Variants in WDR7 observed in about 807,000 individuals in gnomAD.
The protein encoded by WDR7 is WD repeat domain 7, also known as WD repeat-containing protein 7.
WDR7 carries 46 observed loss-of-function variants against 169.4 expected under a neutral mutation model. The ratio of observed to expected loss-of-function variants is 0.27; its 90% CI spans 0.21 to 0.35. WDR7 has a LOEUF of 0.35. Among genes scored for constraint, WDR7 ranks in the 10% least tolerant of loss-of-function variants. WDR7 has a pLI of 1.00. For missense variants in WDR7, 1,534 were observed against 1,859.3 expected (o/e 0.83, Z 3.22); for synonymous variants, 612 against 666.8 (o/e 0.92, Z 1.27).
chr18:56,995,846 C>T (rs947687911), intron 26 of WDR7, among the ~76,000 whole-genome samples: 1 of 152,132 alleles, frequency 6.6e-6, no homozygotes, highest in African/African-American at 2.4e-5. Flanking sequence ...TCCGTGGGTT[C>T]CTTTCCCAAG....
rs1188864502 is a variant in WDR7, at chr18:56,725,601, G to A, written c.1775-5782G>A. Among the ~76,000 whole-genome samples the A allele has an allele frequency of 3.3e-5, 5 of 152,302 alleles. No homozygotes were observed. In the East Asian group the frequency reaches 9.6e-4, roughly 29 times the overall value. ...GCAAAAATTTTCTCCCATTCTGTAG[G>A]TTGCCTGTTCACTCTTGATGGTAGT... On this transcript the variant is annotated intron_variant, in intron 13 of 27. Transcript: ENST00000254442.
At chr18:56,923,079 A>G (rs188543487) in intron 21 of WDR7, among the ~76,000 whole-genome samples, 6 of 152,188 alleles carry the variant, frequency 3.9e-5, no homozygotes, top group African/African-American at 1.2e-4. Context: ...CTGTTCTGTG[A>G]CTTAGGAACT....
At chr18:56,697,192 A>C (rs532310537) in intron 12 of WDR7, among the ~76,000 whole-genome samples, 48 of 152,310 alleles carry the variant, frequency 3.2e-4, no homozygotes, top group African/African-American at 1.1e-3. Context: ...CTTCTTGTAG[A>C]CAAGTCATGC....
At chr18:56,963,958 T>C (rs1787460) in intron 26 of WDR7, among the ~76,000 whole-genome samples, 33,415 of 148,888 alleles carry the variant, frequency 0.22, 6,985 homozygotes, top group African/African-American at 0.56. Context: ...AAGAACAAGG[T>C]GACCTTGTCA....
intron 26 of WDR7, among the ~76,000 whole-genome samples, chr18:57,019,707 A>G (rs1249964052): frequency 1.3e-5 from 2 of 152,122 alleles, no homozygotes; most frequent in African/African-American, 2.4e-5. Context: ...TGAAATGTAC[A>G]CTACCTGTGG....
intron 16 of WDR7, among the ~76,000 whole-genome samples, chr18:56,770,595 A>G (rs1329699894): frequency 6.6e-6 from 1 of 152,214 alleles, no homozygotes; most frequent in East Asian, 1.9e-4. Context: ...CTTCTGATAT[A>G]ATCCAGTGGT....
chr18:56,854,027 A>T (rs150240311), intron 20 of WDR7, among the ~76,000 whole-genome samples: 1 of 152,226 alleles, frequency 6.6e-6, no homozygotes, highest in African/African-American at 2.4e-5. Context: ...GTACACATAC[A>T]TATAATTTTC....
chr18:56,729,523 G>T (rs2026536718), intron 13 of WDR7, among the ~76,000 whole-genome samples: 2 of 152,078 alleles, frequency 1.3e-5, no homozygotes, highest in Non-Finnish European at 1.5e-5. Flanking sequence ...TTAACAGTAT[G>T]TTGTGGCTTT....
chr18:56,822,678 G>T (rs2045119698), intron 20 of WDR7, among the ~76,000 whole-genome samples: 1 of 152,142 alleles, frequency 6.6e-6, no homozygotes. Flanking sequence ...TTAGATGTAT[G>T]TGAATTTTAA....
intron 25 of WDR7, among the ~76,000 whole-genome samples, chr18:56,940,743 T>A (rs941650714): frequency 6.6e-6 from 1 of 152,192 alleles, no homozygotes; most frequent in Non-Finnish European, 1.5e-5. Flanking sequence ...GGGCTTATTT[T>A]ACTGAATTTT....
intron 19 of WDR7, among the ~76,000 whole-genome samples, chr18:56,793,159 A>G (rs1304695755): frequency 6.6e-6 from 1 of 152,220 alleles, no homozygotes; most frequent in East Asian, 1.9e-4. Context: ...GTCTACTGCC[A>G]TACCACCCTG....
intron 14 of WDR7, among the ~76,000 whole-genome samples, chr18:56,731,841 T>C (rs1228046900): frequency 1.3e-5 from 2 of 152,202 alleles, no homozygotes; most frequent in Non-Finnish European, 2.9e-5. Flanking sequence ...GTGACTTTAG[T>C]TTCTGAAATT....
chr18:56,953,719 G>T (rs2145745444), intron 25 of WDR7, among the ~76,000 whole-genome samples: 1 of 152,344 alleles, frequency 6.6e-6, no homozygotes, highest in African/African-American at 2.4e-5. Flanking sequence ...AAAGGAGGGA[G>T]CTGGCAGTTT....
chr18:56,861,692 T>G (rs1324145684), intron 20 of WDR7, among the ~76,000 whole-genome samples: 1 of 152,166 alleles, frequency 6.6e-6, no homozygotes, highest in Non-Finnish European at 1.5e-5. Flanking sequence ...AAGAACCCAC[T>G]GATTTTCTGT....
chr18:56,715,059 C>A (rs919906831), intron 12 of WDR7, among the ~76,000 whole-genome samples: 2 of 152,048 alleles, frequency 1.3e-5, no homozygotes, highest in African/African-American at 4.8e-5. Flanking sequence ...AAATTATCTG[C>A]CTGTGTATCT....
At position 56,860,922 on chromosome 18, in the gene WDR7, A is replaced by G. The variant is rs7232275; in HGVS notation, c.3305-19022A>G. ...ACCATTGGTTTGTATCATATAATAC[A>G]TGAAAATATTACATAGTAAAAAGTG... On this transcript the variant is annotated intron_variant, in intron 20 of 27. Transcript: ENST00000254442. 2.2e-3 allele frequency among the ~76,000 whole-genome samples: 331 copies of G among 152,268 alleles called. 3 individuals are homozygous for G. The highest frequency in any genetic ancestry group is 7.7e-3 in the African/African-American group (320 of 41,578).
rs542509001 is a variant in WDR7 at position 56,660,487 on chromosome 18, G to A, written c.-20+8911G>A. Among the ~76,000 whole-genome samples, 29 of 151,850 alleles carry A rather than the reference G, an allele frequency of 1.9e-4. No homozygotes were observed. The East Asian group carries it at 4.1e-3, about 21-fold the overall frequency. On this transcript the variant is annotated intron_variant, in intron 1 of 27. Coordinates refer to ENST00000254442, the MANE Select transcript of WDR7 (RefSeq NM_015285.3). ...GTATAATACAAATATCCCCAAATTT[G>A]AAAAAAATCCAAAATCTAAAACACT...
chr18:56,811,944 A>G (rs890362242), intron 19 of WDR7, among the ~76,000 whole-genome samples: 3 of 152,282 alleles, frequency 2.0e-5, no homozygotes, highest in South Asian at 4.1e-4. Flanking sequence ...GTTTTGTCCT[A>G]ATTCCTTTGT....
chr18:57,022,040 C>G (rs926467081), intron 27 of WDR7, among the ~76,000 whole-genome samples: 1 of 152,198 alleles, frequency 6.6e-6, no homozygotes, highest in Non-Finnish European at 1.5e-5. Flanking sequence ...CAGAATATAT[C>G]TCCAGCATCT....
Sources: allele counts gnomAD v4.1 joint callset (sites outside exome capture counted in the v4.1 genomes callset), GRCh38; gene constraint gnomAD v4.1.1; transcripts MANE v1.5; gene names NCBI Gene and HGNC (gene_info 2026-07-23, HGNC 2026-07-21).